GLI2: variants seen among roughly 807,000 people sequenced by gnomAD.
The protein encoded by GLI2 is transcription activator GLI2.
A neutral mutation model predicts 78.9 loss-of-function variants in GLI2; 22 were observed. The observed-to-expected ratio is 0.28, with a 90% confidence interval of 0.20 to 0.40. GLI2 has a LOEUF of 0.40. Among genes scored for constraint, GLI2 ranks in the 10% least tolerant of loss-of-function variants. The probability of loss-of-function intolerance (pLI) is 1.00; values close to 1 mark genes in which losing one functional copy is unlikely to be tolerated. For missense variants in GLI2, 2,097 were observed against 2,213.2 expected (o/e 0.95, Z 1.05); for synonymous variants, 974 against 963.7 (o/e 1.01, Z -0.20).
At chr2:120,774,809 T>G (rs1683629766) in intron 1 of GLI2, among the ~76,000 whole-genome samples, 1 of 152,178 alleles carries the variant, frequency 6.6e-6, no homozygotes, top group African/African-American at 2.4e-5. Context: ...ATGACTCCAT[T>G]GGTATGGGAA....
intron 2 of GLI2, among the ~76,000 whole-genome samples, chr2:120,889,330 G>T (rs536707699): frequency 6.6e-6 from 1 of 152,188 alleles, no homozygotes; most frequent in African/African-American, 2.4e-5. Flanking sequence ...CACACCTTGG[G>T]TAGTAAAGGT....
chr2:120,982,613 A>AT, intron 10 of GLI2, 103 bp from the exon 11 acceptor site: 1 of 896,364 alleles, frequency 1.1e-6, no homozygotes, highest in South Asian at 1.7e-5. Context: ...GAGTGCGCTG[A>AT]CGGGTTGGAG....
chr2:120,748,174 A>G (rs1442408342), intron 1 of GLI2, among the ~76,000 whole-genome samples: 1 of 152,206 alleles, frequency 6.6e-6, no homozygotes, highest in Non-Finnish European at 1.5e-5. Flanking sequence ...AATTGCCCCA[A>G]ACTCTTTTCC....
chr2:120,784,018 T>C (rs1435106540), intron 1 of GLI2, among the ~76,000 whole-genome samples: 1 of 152,192 alleles, frequency 6.6e-6, no homozygotes, highest in Non-Finnish European at 1.5e-5. Context: ...CTGGGGTCAG[T>C]TAAACATCCC....
intron 1 of GLI2, among the ~76,000 whole-genome samples, chr2:120,787,035 C>G (rs576219394): frequency 6.6e-6 from 1 of 152,176 alleles, no homozygotes; most frequent in Admixed American, 6.5e-5. Flanking sequence ...TAAAGGGACA[C>G]GGACACGTAA....
At position 120,969,272 on chromosome 2, in the gene GLI2, A is replaced by G. The variant is rs573894863; in HGVS notation, c.845+357A>G. On this transcript the variant is annotated intron_variant, in intron 6 of 13. Transcript: ENST00000361492. ...ACAAAATGTGACATTGACATGGCCC[A>G]TGCTCTCAGCAAGCCTCTGGGCTGG... Among the ~76,000 whole-genome samples, 185 of 152,332 alleles carry G rather than the reference A, an allele frequency of 1.2e-3. 1 individual carries two copies. The highest frequency in any genetic ancestry group is 4.1e-3 in the African/African-American group (169 of 41,566).
intron 1 of GLI2, among the ~76,000 whole-genome samples, chr2:120,748,986 T>C (rs1200400655): frequency 6.6e-6 from 1 of 152,154 alleles, no homozygotes; most frequent in Non-Finnish European, 1.5e-5. Context: ...CCATCCATCA[T>C]ACATTCATTG....
In GLI2 at chr2:120,990,717, C is replaced by T. The variant is rs185228238; in HGVS notation, c.*42C>T. ...TGCTGAGTGCACCCGGAGGGGTCAT[C>T]GCTGCCCAGAGCCTGGGGATTCCAG... On this transcript the variant is annotated 3_prime_UTR_variant, in exon 14 of 14. Coordinates refer to ENST00000361492, the MANE Select transcript of GLI2 (RefSeq NM_001374353.1). 696 of 1,525,750 alleles carry T rather than the reference C, an allele frequency of 4.6e-4. No individual in the cohort carries two copies. In the African/African-American group the frequency reaches 8.2e-3, roughly 18 times the overall value. The allele number at this position is 1,525,750 out of a possible 1,614,324, so 94.5% of individuals were successfully genotyped here.
At chr2:120,761,439 G>C (rs1187381148) in intron 1 of GLI2, among the ~76,000 whole-genome samples, 1 of 152,216 alleles carries the variant, frequency 6.6e-6, no homozygotes, top group African/African-American at 2.4e-5. Context: ...TTATGGCCCA[G>C]CCCAGGGGGT....
At chr2:120,948,960 T>G (rs1436505902) in intron 3 of GLI2, among the ~76,000 whole-genome samples, 1 of 152,106 alleles carries the variant, frequency 6.6e-6, no homozygotes, top group Non-Finnish European at 1.5e-5. Context: ...ACACCCTGCA[T>G]TTTGCTGAGC....
intron 2 of GLI2, among the ~76,000 whole-genome samples, chr2:120,840,984 T>C (rs1421290010): frequency 6.6e-6 from 1 of 152,200 alleles, no homozygotes; most frequent in Non-Finnish European, 1.5e-5. Flanking sequence ...ACGTGGCCTC[T>C]TTCCTTGCCA....
At chr2:120,791,833 G>C (rs1227938050) in intron 1 of GLI2, among the ~76,000 whole-genome samples, 2 of 152,166 alleles carry the variant, frequency 1.3e-5, no homozygotes, top group Admixed American at 1.3e-4. Flanking sequence ...CGGTGTGCAC[G>C]TGTGTGTGTG....
intron 1 of GLI2, among the ~76,000 whole-genome samples, chr2:120,780,097 T>C (rs1472725524): frequency 6.6e-6 from 1 of 152,150 alleles, no homozygotes. Context: ...ATAAATACCT[T>C]TGGGTTTCTC....
chr2:120,870,915 G>A (rs889110820), intron 2 of GLI2, among the ~76,000 whole-genome samples: 4 of 152,166 alleles, frequency 2.6e-5, no homozygotes, highest in Non-Finnish European at 5.9e-5. Context: ...GTCCTGGGCC[G>A]CCACAGAAAC....
chr2:120,814,640 C>A (rs942813254), intron 2 of GLI2, among the ~76,000 whole-genome samples: 6 of 152,320 alleles, frequency 3.9e-5, no homozygotes, highest in African/African-American at 1.4e-4. Flanking sequence ...TCTGTCAGAT[C>A]AGCAGCGGCA....
chr2:120,857,284 A>T (rs1687688604), intron 2 of GLI2, among the ~76,000 whole-genome samples: 1 of 151,690 alleles, frequency 6.6e-6, no homozygotes, highest in East Asian at 1.9e-4. Context: ...CATCCATTCA[A>T]CCACCCACCT....
intron 1 of GLI2, among the ~76,000 whole-genome samples, chr2:120,749,409 AT>A (rs1219785700): frequency 6.6e-6 from 1 of 152,212 alleles, no homozygotes. Context: ...GGTATAGTTC[AT>A]TTGGACCCCA....
chr2:120,813,178 G>A (rs1685339728), intron 2 of GLI2, among the ~76,000 whole-genome samples: 1 of 152,218 alleles, frequency 6.6e-6, no homozygotes, highest in Non-Finnish European at 1.5e-5. Flanking sequence ...TGCTTCTTTT[G>A]TGCATCTGTT....
At chr2:120,883,878 T>C (rs1677271286) in intron 2 of GLI2, among the ~76,000 whole-genome samples, 1 of 152,184 alleles carries the variant, frequency 6.6e-6, no homozygotes, top group Admixed American at 6.5e-5. Context: ...CTCTAGCCCC[T>C]ATCTCTACGG....
Sources: allele counts gnomAD v4.1 joint callset (sites outside exome capture counted in the v4.1 genomes callset), GRCh38; gene constraint gnomAD v4.1.1; transcripts MANE v1.5; gene names NCBI Gene and HGNC (gene_info 2026-07-23, HGNC 2026-07-21).